The following SLC9C1 variants were observed in gnomAD, a reference collection of about 807,000 sequenced individuals.
SLC9C1 encodes the protein solute carrier family 9 member C1.
A neutral mutation model predicts 140.9 loss-of-function variants in SLC9C1; 97 were observed. That is an observed-to-expected ratio of 0.69 (90% CI 0.58 to 0.82). The LOEUF is 0.82. Among genes scored for constraint, SLC9C1 ranks in the 40% least tolerant of loss-of-function variants. The pLI is 0.00. For missense variants in SLC9C1, 1,340 were observed against 1,389.3 expected, an observed-to-expected ratio of 0.96 and a Z score of 0.56; for synonymous variants, 440 against 442.6, an observed-to-expected ratio of 0.99 and a Z score of 0.07.
intron 28 of SLC9C1, among the ~76,000 whole-genome samples, chr3:112,143,659 A>T (rs1056019054): frequency 1.3e-5 from 2 of 152,034 alleles, no homozygotes; most frequent in African/African-American, 4.8e-5. Context: ...ACAGTTTGGG[A>T]ATATTTTCTC....
intron 28 of SLC9C1, among the ~76,000 whole-genome samples, chr3:112,146,885 A>G (rs995239363): frequency 6.6e-6 from 1 of 152,182 alleles, no homozygotes; most frequent in African/African-American, 2.4e-5. Flanking sequence ...GTCTAATACT[A>G]TCAGTGGGGA....
chr3:112,247,864 T>G (rs2108245205), intron 10 of SLC9C1, among the ~76,000 whole-genome samples: 1 of 128,712 alleles, frequency 7.8e-6, no homozygotes, highest in African/African-American at 3.0e-5. Context: ...GTACTCAGTT[T>G]ACTCTTGAGT....
In SLC9C1 at chr3:112,169,010, A is replaced by T; in HGVS notation, c.3104T>A (p.Ile1035Lys). 1.9e-6 allele frequency: 3 copies of T among 1,608,934 alleles called. No individual in the cohort carries two copies. Among genetic ancestry groups the T allele is most frequent in the Non-Finnish European group, 2.5e-6 (3 of 1,178,452 alleles). ...LKLSNIYVVD[I>K]PMSTKTDIYD... The stretch of plus-strand genomic sequence containing the variant: ...AATATCAGTTTTGGTACTCATTGGT[A>T]TATCTACTACATAAATATTAGAGAG... The change falls in exon 25 of 29, where the codon ATA becomes AAA. Residue 1035 changes from isoleucine (I) to lysine (K), a missense_variant. Transcript: ENST00000305815.
intron 10 of SLC9C1, among the ~76,000 whole-genome samples, chr3:112,246,221 T>C (rs2079279473): frequency 6.6e-6 from 1 of 152,190 alleles, no homozygotes; most frequent in Non-Finnish European, 1.5e-5. Context: ...CCCAGTAGGC[T>C]TATGTTCTGT....
intron 20 of SLC9C1, among the ~76,000 whole-genome samples, chr3:112,198,187 G>T (rs62277479): frequency 6.6e-6 from 1 of 151,720 alleles, no homozygotes; most frequent in African/African-American, 2.4e-5. Context: ...TTTATATTAG[G>T]TTCATAGATA....
At chr3:112,232,924 C>G (rs1398887524) in intron 12 of SLC9C1, among the ~76,000 whole-genome samples, 1 of 151,328 alleles carries the variant, frequency 6.6e-6, no homozygotes, top group Non-Finnish European at 1.5e-5. Context: ...AAATTAAGGT[C>G]TAGCAAATGC....
Position 112,278,847 on chromosome 3 carries a change from T to C in SLC9C1, c.200A>G (p.Tyr67Cys), listed in dbSNP as rs1247134928. The change falls in exon 4 of 29, where the codon TAC becomes TGC. Residue 67 changes from tyrosine (Y) to cysteine (C), a missense_variant. Transcript: ENST00000305815. ...LSFTSSQVQR[Y>C]ANAIQWMSPD... is the part of the protein sequence containing the mutation. ...ACTCATCCATTGTATGGCGTTTGCG[T>C]ATCTTTGGACCTAATATTATACAAA... 6.2e-7 allele frequency: 1 copy of C among 1,605,556 alleles called. No homozygotes were observed. The highest frequency in any genetic ancestry group is 8.5e-7 in the Non-Finnish European group (1 of 1,177,284).
At chr3:112,280,593 G>A (rs1448693592) in intron 3 of SLC9C1, 90 bp downstream of exon 3, 8 of 1,026,624 alleles carry the variant, frequency 7.8e-6, no homozygotes, top group Non-Finnish European at 1.1e-5. Flanking sequence ...ACAGTGAGGG[G>A]ATGAATAACT....
At chr3:112,171,171 G>T (rs952928617) in intron 23 of SLC9C1, among the ~76,000 whole-genome samples, 1 of 151,952 alleles carries the variant, frequency 6.6e-6, no homozygotes, top group African/African-American at 2.4e-5. Flanking sequence ...CTGAGATTGG[G>T]AGCCATTGCA....
At chr3:112,212,987 A>T (rs1409359132) in intron 15 of SLC9C1, among the ~76,000 whole-genome samples, 1 of 152,262 alleles carries the variant, frequency 6.6e-6, no homozygotes, top group Non-Finnish European at 1.5e-5. Flanking sequence ...AGGGAAGCCC[A>T]TCAGAATAAT....
chr3:112,213,756 A>G (rs1010718378), intron 15 of SLC9C1, among the ~76,000 whole-genome samples: 2 of 152,160 alleles, frequency 1.3e-5, no homozygotes, highest in Admixed American at 6.5e-5. Flanking sequence ...CACAATAATA[A>G]TGGGAGACTT....
At chr3:112,284,957 T>C (rs1358432716) in intron 2 of SLC9C1, among the ~76,000 whole-genome samples, 1 of 151,126 alleles carries the variant, frequency 6.6e-6, no homozygotes, top group Non-Finnish European at 1.5e-5. Flanking sequence ...ATATTAGTTT[T>C]ACATTATTAG....
chr3:112,239,397 G>A (rs956178109), intron 12 of SLC9C1, among the ~76,000 whole-genome samples: 16 of 152,222 alleles, frequency 1.1e-4, no homozygotes, highest in Non-Finnish European at 1.5e-4. Flanking sequence ...GACCCCTTGC[G>A]CTTCCTGCGT....
Position 112,165,130 on chromosome 3 carries a change from T to G in SLC9C1, c.3364+2091A>C, listed in dbSNP as rs9821699. ...CATGGTTTTCAGCTCCCTCAGGTCC[T>G]TTAAGGACTTCTCTGCATTGGTTAT... is the stretch of plus-strand genomic sequence containing the variant. On this transcript the variant is annotated intron_variant, in intron 26 of 28. Coordinates refer to ENST00000305815, the MANE Select transcript of SLC9C1 (RefSeq NM_183061.3). Among the ~76,000 whole-genome samples, 1,522 of 152,354 alleles carry G rather than the reference T, an allele frequency of 1.0e-2. 24 individuals carry two copies. Among genetic ancestry groups the G allele is most frequent in the African/African-American group, 0.034 (1,419 of 41,580 alleles).
chr3:112,233,589 G>A (rs13080642), intron 12 of SLC9C1, among the ~76,000 whole-genome samples: 86,959 of 148,222 alleles, frequency 0.59, 26,077 homozygotes, highest in East Asian at 0.78. Flanking sequence ...CCATTAACTC[G>A]TCATTTACAT....
At chr3:112,189,838 CATG>C (rs1296098116) in intron 20 of SLC9C1, among the ~76,000 whole-genome samples, 1 of 152,168 alleles carries the variant, frequency 6.6e-6, no homozygotes, top group Non-Finnish European at 1.5e-5. Flanking sequence ...TGGCCATTTT[CATG>C]ATATTGATTC....
intron 28 of SLC9C1, among the ~76,000 whole-genome samples, chr3:112,145,345 TG>T: frequency 1.3e-5 from 2 of 151,652 alleles, no homozygotes; most frequent in East Asian, 3.9e-4. Flanking sequence ...GATGTGCTGC[TG>T]GATTTAATTT....
intron 10 of SLC9C1, among the ~76,000 whole-genome samples, chr3:112,246,915 C>G (rs1231874305): frequency 1.3e-5 from 2 of 152,126 alleles, no homozygotes; most frequent in Non-Finnish European, 2.9e-5. Context: ...GAGGCAGCAC[C>G]AAGGTTGTTA....
intron 10 of SLC9C1, among the ~76,000 whole-genome samples, chr3:112,244,467 A>T (rs1350634433): frequency 6.6e-6 from 1 of 152,186 alleles, no homozygotes; most frequent in African/African-American, 2.4e-5. Context: ...ACCGTTCTCT[A>T]TTCAACATTA....
Sources: gnomAD v4.1 joint callset for allele counts (sites outside exome capture counted in the v4.1 genomes callset) on GRCh38, gnomAD v4.1.1 for gene constraint, MANE v1.5 for transcripts, NCBI Gene and HGNC (gene_info 2026-07-23, HGNC 2026-07-21) for gene names.